The following KLHL32 variants were observed in gnomAD, a reference collection of about 807,000 sequenced individuals.
KLHL32 encodes the protein kelch-like protein 32.
A neutral mutation model predicts 64.8 loss-of-function variants in KLHL32; 35 were observed. The ratio of observed to expected loss-of-function variants is 0.54; its 90% confidence interval spans 0.41 to 0.72. KLHL32 has a LOEUF of 0.72. KLHL32 is among the 30% of genes least tolerant of loss of function. The pLI is 0.00. For synonymous variants in KLHL32, 259 were observed against 281.0 expected, an observed-to-expected ratio of 0.92 and a Z score of 0.78; for missense variants, 589 against 768.5, an observed-to-expected ratio of 0.77 and a Z score of 2.76.
At chr6:97,118,080 A>G (rs1797989651) in intron 7 of KLHL32, among the ~76,000 whole-genome samples, 1 of 152,224 alleles carries the variant, frequency 6.6e-6, no homozygotes, top group Non-Finnish European at 1.5e-5. Flanking sequence ...ATAATTTTTC[A>G]GATATTTCAT....
At chr6:96,989,491 G>T (rs549210020) in intron 3 of KLHL32, among the ~76,000 whole-genome samples, 1 of 152,192 alleles carries the variant, frequency 6.6e-6, no homozygotes, top group Non-Finnish European at 1.5e-5. Context: ...GTTTCTGTTT[G>T]TATATGTGAT....
intron 3 of KLHL32, among the ~76,000 whole-genome samples, chr6:97,027,704 A>C (rs1241754512): frequency 1.3e-5 from 2 of 152,134 alleles, no homozygotes; most frequent in East Asian, 3.9e-4. Flanking sequence ...AATACCTTTT[A>C]TTTTCTGTAT....
intron 3 of KLHL32, among the ~76,000 whole-genome samples, chr6:97,031,803 C>T (rs1487824048): frequency 6.6e-6 from 1 of 152,144 alleles, no homozygotes; most frequent in African/African-American, 2.4e-5. Flanking sequence ...TAGAGTGAGA[C>T]TGTCATTTGG....
intron 1 of KLHL32, among the ~76,000 whole-genome samples, chr6:96,965,419 A>G (rs1352090983): frequency 6.6e-6 from 1 of 152,178 alleles, no homozygotes. Flanking sequence ...TATTATTTTT[A>G]ATGATCATGT....
intron 4 of KLHL32, among the ~76,000 whole-genome samples, chr6:97,063,467 G>A (rs1789236323): frequency 6.6e-6 from 1 of 152,216 alleles, no homozygotes; most frequent in South Asian, 2.1e-4. Flanking sequence ...GACTGTTGGG[G>A]AGAGCAAAAG....
chr6:97,056,075 GC>G (rs1287158241), intron 4 of KLHL32, among the ~76,000 whole-genome samples: 9 of 147,756 alleles, frequency 6.1e-5, no homozygotes, highest in African/African-American at 1.5e-4. Context: ...AGCATAGCCA[GC>G]CTCCCTTTTC....
intron 1 of KLHL32, among the ~76,000 whole-genome samples, chr6:96,964,595 G>A (rs928909541): frequency 1.3e-5 from 2 of 152,216 alleles, no homozygotes; most frequent in Non-Finnish European, 2.9e-5. Context: ...GGAGCTTGCA[G>A]TGAGCCGAGA....
intron 2 of KLHL32, among the ~76,000 whole-genome samples, chr6:96,971,568 C>G (rs1366075994): frequency 6.6e-6 from 1 of 152,080 alleles, no homozygotes; most frequent in Non-Finnish European, 1.5e-5. Flanking sequence ...TATGGCTGAT[C>G]AAATGGTTGC....
intron 9 of KLHL32, 37 bp downstream of exon 9, chr6:97,130,986 A>C: frequency 6.3e-7 from 1 of 1,578,334 alleles, no homozygotes; most frequent in Non-Finnish European, 8.7e-7. Flanking sequence ...GGAAAAGTAG[A>C]TTCAAGAAGT....
At chr6:96,912,879 G>A in the KLHL32 span, among the ~76,000 whole-genome samples, 1 of 152,154 alleles carries the variant, frequency 6.6e-6, no homozygotes, top group Non-Finnish European at 1.5e-5. Context: ...CCTACCACCT[G>A]CACATATTCC....
At chr6:96,958,460 T>G (rs1773509500) in intron 1 of KLHL32, among the ~76,000 whole-genome samples, 1 of 152,164 alleles carries the variant, frequency 6.6e-6, no homozygotes, top group Non-Finnish European at 1.5e-5. Flanking sequence ...TGGCAGTTAC[T>G]GGTACCCTGA....
At chr6:97,062,435 C>A (rs1228596793) in intron 4 of KLHL32, 2 of 152,142 alleles carry the variant, frequency 1.3e-5, no homozygotes, top group African/African-American at 2.4e-5. Context: ...GAGGAGTTGG[C>A]GAAAGACGGG....
chr6:96,981,900 C>G (rs2128050626), intron 3 of KLHL32, among the ~76,000 whole-genome samples: 1 of 152,044 alleles, frequency 6.6e-6, no homozygotes, highest in East Asian at 1.9e-4. Context: ...TTTTATTACA[C>G]TTTGGTCTGA....
At chr6:97,093,877 A>T (rs1794605722) in intron 6 of KLHL32, among the ~76,000 whole-genome samples, 1 of 152,186 alleles carries the variant, frequency 6.6e-6, no homozygotes, top group Non-Finnish European at 1.5e-5. Context: ...AATTAGAGTA[A>T]AAAAGAACCT....
At chr6:97,131,886 G>A (rs904748671) in intron 9 of KLHL32, among the ~76,000 whole-genome samples, 1 of 152,074 alleles carries the variant, frequency 6.6e-6, no homozygotes, top group East Asian at 1.9e-4. Flanking sequence ...CCTCGATTCT[G>A]GATCTGTGAT....
rs532331674 is a variant in KLHL32, at chr6:96,959,290, C to T, written c.-65-7706C>T. On this transcript the variant is annotated intron_variant, in intron 1 of 10. Coordinates refer to ENST00000369261, the MANE Select transcript of KLHL32 (RefSeq NM_052904.4). ...CTGGAGGTAGTGTGGTCTGCAGGCC[C>T]GGGACAGCTTCTGAGCCACAGTAGC... 3.3e-5 allele frequency among the ~76,000 whole-genome samples: 5 copies of T among 152,188 alleles called. No individual in the cohort carries two copies. In the East Asian group the frequency reaches 7.7e-4, roughly 24 times the overall value.
intron 1 of KLHL32, among the ~76,000 whole-genome samples, chr6:96,951,896 G>C (rs6937736): frequency 0.22 from 33,614 of 152,012 alleles, 3,902 homozygotes; most frequent in Admixed American, 0.27. Flanking sequence ...GCGTTGTTTT[G>C]TTCAATGCCA....
chr6:96,968,396 A>AC lies in KLHL32; in HGVS notation c.23+1313_23+1314insC, dbSNP rs1296715985. Among the ~76,000 whole-genome samples, 17 of 151,900 alleles carry AC rather than the reference A, an allele frequency of 1.1e-4. 1 individual carries two copies. In the South Asian group the frequency reaches 2.3e-3, roughly 20 times the overall value. The stretch of plus-strand genomic sequence containing the variant: ...ACAAAAAACAAAAACAAAAACAAAA[A>AC]AAAAAACATCTAGCCCAAAATGTCA... On this transcript the variant is annotated intron_variant, in intron 2 of 10. Transcript: ENST00000369261.
At chr6:97,118,146 C>T (rs905582766) in intron 7 of KLHL32, among the ~76,000 whole-genome samples, 14 of 152,208 alleles carry the variant, frequency 9.2e-5, no homozygotes, top group African/African-American at 2.4e-4. Flanking sequence ...GTATTTTCAT[C>T]TTGATTAAAT....
Sources: allele counts gnomAD v4.1 joint callset (sites outside exome capture counted in the v4.1 genomes callset), GRCh38; gene constraint gnomAD v4.1.1; transcripts MANE v1.5; gene names NCBI Gene and HGNC (gene_info 2026-07-23, HGNC 2026-07-21).